Variants in RAP1GDS1 observed in about 807,000 individuals in gnomAD.
RAP1GDS1 encodes Rap1 GTPase-GDP dissociation stimulator 1, also known as RAP1, GTP-GDP dissociation stimulator 1.
Under a neutral mutation model 71.1 loss-of-function variants are expected in RAP1GDS1, and 35 were observed. That is an observed-to-expected ratio of 0.49 (90% CI 0.38 to 0.65). The LOEUF (loss-of-function observed/expected upper bound fraction) is 0.65, where lower values mean the gene tolerates loss of function less well. RAP1GDS1 is among the 30% of genes least tolerant of loss of function. The probability of loss-of-function intolerance (pLI) is 0.00; values close to 1 mark genes in which losing one functional copy is unlikely to be tolerated. For missense variants in RAP1GDS1, 663 were observed against 706.1 expected, an observed-to-expected ratio of 0.94 and a Z score of 0.69; for synonymous variants, 229 against 243.1, an observed-to-expected ratio of 0.94 and a Z score of 0.54.
intron 2 of RAP1GDS1, among the ~76,000 whole-genome samples, chr4:98,324,325 C>G (rs1193763181): frequency 6.6e-6 from 1 of 152,004 alleles, no homozygotes; most frequent in Non-Finnish European, 1.5e-5. Context: ...GAATCAATAT[C>G]GTGAAAATGG....
At chr4:98,265,738 A>G (rs1456510631) in intron 1 of RAP1GDS1, among the ~76,000 whole-genome samples, 4 of 152,320 alleles carry the variant, frequency 2.6e-5, no homozygotes, top group East Asian at 3.9e-4. Flanking sequence ...TGAAAAACAC[A>G]GAAGTCAGAG....
chr4:98,392,669 C>A (rs991624320), intron 6 of RAP1GDS1, among the ~76,000 whole-genome samples: 7 of 152,080 alleles, frequency 4.6e-5, no homozygotes, highest in Non-Finnish European at 8.8e-5. Context: ...CCACTGCACT[C>A]CAGCCTGGGT....
chr4:98,364,747 C>T (rs551784247), intron 4 of RAP1GDS1, among the ~76,000 whole-genome samples: 8 of 151,912 alleles, frequency 5.3e-5, no homozygotes, highest in African/African-American at 9.6e-5. Context: ...GATGTGAGGG[C>T]TGGGTGCAGT....
chr4:98,331,918 A>T (rs1366984807), intron 2 of RAP1GDS1, among the ~76,000 whole-genome samples: 3 of 152,202 alleles, frequency 2.0e-5, no homozygotes, highest in Non-Finnish European at 4.4e-5. Flanking sequence ...CCAGAGTAAT[A>T]ATCAAAAGAC....
At chr4:98,424,700 G>A (rs1462061023) in intron 12 of RAP1GDS1, among the ~76,000 whole-genome samples, 1 of 151,214 alleles carries the variant, frequency 6.6e-6, no homozygotes, top group Admixed American at 6.6e-5. Flanking sequence ...AGCGGAGGTT[G>A]CAGTGAGCCA....
At chr4:98,331,252 T>G (rs1022302799) in intron 2 of RAP1GDS1, among the ~76,000 whole-genome samples, 6 of 150,858 alleles carry the variant, frequency 4.0e-5, no homozygotes, top group Non-Finnish European at 8.8e-5. Context: ...GGCAGTACAG[T>G]CCAGCCTCGG....
intron 4 of RAP1GDS1, among the ~76,000 whole-genome samples, chr4:98,368,691 G>A (rs1739899285): frequency 1.3e-5 from 2 of 152,004 alleles, no homozygotes; most frequent in South Asian, 4.1e-4. Flanking sequence ...GTATGATTAT[G>A]TTATTATTAA....
chr4:98,343,084 G>C, intron 2 of RAP1GDS1, 55 bp from the exon 3 acceptor site: 1 of 1,499,828 alleles, frequency 6.7e-7, no homozygotes, highest in Non-Finnish European at 9.0e-7. Flanking sequence ...GATAATGGTT[G>C]TCAGTGTTAG....
chr4:98,281,735 G>A (rs1285346995), intron 1 of RAP1GDS1, among the ~76,000 whole-genome samples: 1 of 152,148 alleles, frequency 6.6e-6, no homozygotes, highest in Admixed American at 6.5e-5. Context: ...GTATGATATT[G>A]GCCGTGGCTT....
intron 5 of RAP1GDS1, among the ~76,000 whole-genome samples, chr4:98,389,142 G>T (rs961140102): frequency 2.0e-5 from 3 of 152,166 alleles, no homozygotes; most frequent in Non-Finnish European, 2.9e-5. Context: ...CAACACAGTG[G>T]CAAGAGCAAA....
At chr4:98,414,007 T>G (rs1233226929) in intron 7 of RAP1GDS1, among the ~76,000 whole-genome samples, 1 of 152,206 alleles carries the variant, frequency 6.6e-6, no homozygotes, top group Non-Finnish European at 1.5e-5. Context: ...TTTGGCTGCA[T>G]AAATGTCTTC....
intron 7 of RAP1GDS1, among the ~76,000 whole-genome samples, chr4:98,409,118 T>A (rs1214404222): frequency 6.6e-6 from 1 of 152,144 alleles, no homozygotes; most frequent in Non-Finnish European, 1.5e-5. Context: ...TTCAAAAGAA[T>A]CTATAGATCA....
chr4:98,292,045 A>AT (rs1398090942), intron 1 of RAP1GDS1, among the ~76,000 whole-genome samples: 1 of 152,098 alleles, frequency 6.6e-6, no homozygotes, highest in African/African-American at 2.4e-5. Flanking sequence ...CCAAAACAGC[A>AT]TATTAACCAA....
chr4:98,359,252 A>C (rs1228018429), intron 4 of RAP1GDS1, among the ~76,000 whole-genome samples: 1 of 152,166 alleles, frequency 6.6e-6, no homozygotes, highest in Non-Finnish European at 1.5e-5. Context: ...GGACAAAAGC[A>C]GAGTAAATTT....
At chr4:98,340,052 G>A (rs1219356850) in intron 2 of RAP1GDS1, among the ~76,000 whole-genome samples, 1 of 151,650 alleles carries the variant, frequency 6.6e-6, no homozygotes, top group African/African-American at 2.4e-5. Flanking sequence ...AGGTTGCAGA[G>A]AAAAGGGAAT....
intron 2 of RAP1GDS1, among the ~76,000 whole-genome samples, chr4:98,313,168 AG>A (rs1730509583): frequency 6.7e-6 from 1 of 150,246 alleles, no homozygotes; most frequent in South Asian, 2.1e-4. Flanking sequence ...TTGGAGACCT[AG>A]GGAAGGGCTG....
chr4:98,290,717 T>G (rs555894568), intron 1 of RAP1GDS1, among the ~76,000 whole-genome samples: 3 of 151,146 alleles, frequency 2.0e-5, no homozygotes, highest in Admixed American at 1.3e-4. Context: ...GAATGATAGT[T>G]AGCTGTTCAC....
At chr4:98,324,981 G>C (rs1261723740) in intron 2 of RAP1GDS1, among the ~76,000 whole-genome samples, 5 of 150,630 alleles carry the variant, frequency 3.3e-5, no homozygotes, top group Admixed American at 2.0e-4. Flanking sequence ...AGAGTGAACA[G>C]GCAACCTACA....
chr4:98,392,799 T>G (rs1254488262), intron 6 of RAP1GDS1, among the ~76,000 whole-genome samples: 3 of 152,240 alleles, frequency 2.0e-5, no homozygotes, highest in Non-Finnish European at 4.4e-5. Flanking sequence ...CCTCTTTTCA[T>G]GAAATCTCAA....
Sources: gnomAD v4.1 joint callset for allele counts (sites outside exome capture counted in the v4.1 genomes callset) on GRCh38, gnomAD v4.1.1 for gene constraint, MANE v1.5 for transcripts, NCBI Gene and HGNC (gene_info 2026-07-23, HGNC 2026-07-21) for gene names.